Variants in SLC25A42 observed in about 807,000 individuals in gnomAD.
SLC25A42 encodes the protein solute carrier family 25 member 42, also known as mitochondrial coenzyme A transporter SLC25A42.
In SLC25A42, 19 loss-of-function variants were observed where a neutral mutation model predicts 34.7. The observed-to-expected ratio is 0.55, with a 90% CI of 0.38 to 0.80. The LOEUF is 0.80. Ranked by LOEUF, SLC25A42 falls within the 30% of genes least tolerant of loss-of-function variation. The pLI is 0.00. For missense variants in SLC25A42, 364 were observed against 441.3 expected, an observed-to-expected ratio of 0.82 and a Z score of 1.57; for synonymous variants, 205 against 191.2, an observed-to-expected ratio of 1.07 and a Z score of -0.59.
At chr19:19,085,864 C>T (rs1051748323) in intron 1 of SLC25A42, among the ~76,000 whole-genome samples, 1 of 152,108 alleles carries the variant, frequency 6.6e-6, no homozygotes, top group African/African-American at 2.4e-5. Flanking sequence ...GGGAGGGGGC[C>T]AGCCAGGGTC....
intron 4 of SLC25A42, 24 bp downstream of exon 4, chr19:19,104,962 G>A (rs745429967): frequency 8.7e-6 from 14 of 1,613,928 alleles, no homozygotes; most frequent in Admixed American, 5.0e-5. Flanking sequence ...TCACCGCCCC[G>A]GCCTGGGGAC....
chr19:19,082,490 G>A (rs2059686408), intron 1 of SLC25A42, among the ~76,000 whole-genome samples: 1 of 151,680 alleles, frequency 6.6e-6, no homozygotes, highest in African/African-American at 2.4e-5. Flanking sequence ...AGCCACCCAA[G>A]TAGCTGGGGC....
At chr19:19,075,100 C>T (rs1222423996) in intron 1 of SLC25A42, among the ~76,000 whole-genome samples, 1 of 152,050 alleles carries the variant, frequency 6.6e-6, no homozygotes, top group Admixed American at 6.6e-5. Context: ...CTGCAGTGAG[C>T]TATGATTTTA....
rs568742888 is a variant in SLC25A42 at position 19,081,904 on chromosome 19, T to G, written c.-34-14187T>G. 6.6e-6 allele frequency among the ~76,000 whole-genome samples: 1 copy of G among 152,338 alleles called. No individual in the cohort carries two copies. Among genetic ancestry groups the G allele is most frequent in the East Asian group, 1.9e-4 (1 of 5,184 alleles). On this transcript the variant is annotated intron_variant, in intron 1 of 7. Transcript: ENST00000318596. The surrounding 1 kb of genome is among the most constrained non-coding windows in gnomAD (Gnocchi z 4.5). ...GCTGGAATGTGGCTCTGCCATGCCT[T>G]GGACACTGCCCCTCAGGGAGGCCGA...
In SLC25A42 at chr19:19,111,023, C is replaced by T; in HGVS notation, c.*147C>T. Reference sequence around the variant, plus strand: ...AGCAGGTGGGCCTGAGGGGCCTGGGCTCAGAGTCCACGTCCAAACGCAAAG... The same window carrying T: ...AGCAGGTGGGCCTGAGGGGCCTGGGTTCAGAGTCCACGTCCAAACGCAAAG... On this transcript the variant is annotated 3_prime_UTR_variant, in exon 8 of 8. Coordinates refer to ENST00000318596, the MANE Select transcript of SLC25A42 (RefSeq NM_178526.5). 2 of 886,292 alleles carry T rather than the reference C, an allele frequency of 2.3e-6. No homozygotes were observed. The highest frequency in any genetic ancestry group is 3.4e-6 in the Non-Finnish European group (2 of 589,034). 54.9% of individuals were successfully genotyped at this position (886,292 alleles called of 1,614,324 possible).
intron 5 of SLC25A42, 174 bp downstream of exon 5, chr19:19,105,901 G>A (rs2059824630): frequency 1.6e-6 from 1 of 617,688 alleles, no homozygotes; most frequent in South Asian, 2.0e-5. Flanking sequence ...GGGACCCCCT[G>A]ACTCTGTCAC....
chr19:19,088,219 T>G (rs946950813), intron 1 of SLC25A42, among the ~76,000 whole-genome samples: 1 of 151,170 alleles, frequency 6.6e-6, no homozygotes, highest in Non-Finnish European at 1.5e-5. Context: ...TTTTTTTTTT[T>G]TTTTGAGACA....
rs902467405 is a variant in SLC25A42 at position 19,099,084 on chromosome 19, G to A, written c.82-2697G>A. Among the ~76,000 whole-genome samples, 21 of 152,318 alleles carry A rather than the reference G, an allele frequency of 1.4e-4. No individual in the cohort carries two copies. In the East Asian group the frequency reaches 2.5e-3, roughly 18 times the overall value. Reference sequence around the variant, plus strand: ...GAGCAGCTGGTCCGACTGATTCAGAGAAGAAACTGGCCTGAAGCTGGTAAG... The same window carrying A: ...GAGCAGCTGGTCCGACTGATTCAGAAAAGAAACTGGCCTGAAGCTGGTAAG... On this transcript the variant is annotated intron_variant, in intron 2 of 7. Transcript: ENST00000318596.
chr19:19,103,194 A>G (rs2059807609), intron 3 of SLC25A42, among the ~76,000 whole-genome samples: 1 of 152,048 alleles, frequency 6.6e-6, no homozygotes, highest in Non-Finnish European at 1.5e-5. Context: ...CCCCAGTTCA[A>G]GCAATTTTCC....
At position 19,081,574 on chromosome 19, in the gene SLC25A42, A is replaced by C. The variant is rs1401850162; in HGVS notation, c.-34-14517A>C. ...TGTCCCTTATAGTGACAAAGAGGAG[A>C]ATGCCACTGAGGGTGGGGGTCATGG... On this transcript the variant is annotated intron_variant, in intron 1 of 7. Coordinates refer to ENST00000318596, the MANE Select transcript of SLC25A42 (RefSeq NM_178526.5). This position sits in a 1 kb window ranked among gnomAD's most constrained non-coding sequence, Gnocchi z 4.5. Among the ~76,000 whole-genome samples, 1 of 151,956 alleles carries C rather than the reference A, an allele frequency of 6.6e-6. No homozygotes were observed. Among genetic ancestry groups the C allele is most frequent in the Non-Finnish European group, 1.5e-5 (1 of 67,972 alleles).
intron 1 of SLC25A42, among the ~76,000 whole-genome samples, chr19:19,092,675 G>C (rs958224592): frequency 6.6e-6 from 1 of 152,192 alleles, no homozygotes; most frequent in Non-Finnish European, 1.5e-5. Flanking sequence ...CCCAGGCCTC[G>C]GGCACCTCAC....
intron 7 of SLC25A42, 38 bp downstream of exon 7, chr19:19,108,083 G>C: frequency 6.6e-7 from 1 of 1,525,582 alleles, no homozygotes; most frequent in South Asian, 1.3e-5. Flanking sequence ...GGACGTTCAG[G>C]AAGCATTCCC....
chr19:19,101,214 T>G lies in SLC25A42; in HGVS notation c.82-567T>G, dbSNP rs547958871. On this transcript the variant is annotated intron_variant, in intron 2 of 7. Coordinates refer to ENST00000318596, the MANE Select transcript of SLC25A42 (RefSeq NM_178526.5). Reference sequence around the variant, plus strand: ...GAAAGCGATGGCTCTCAGGCTGGCATGGGAGCAGTCAACGCAGGTTGGCAG... The same window carrying G: ...GAAAGCGATGGCTCTCAGGCTGGCAGGGGAGCAGTCAACGCAGGTTGGCAG... 2.0e-4 allele frequency among the ~76,000 whole-genome samples: 31 copies of G among 152,224 alleles called. No individual in the cohort carries two copies. In the South Asian group the frequency reaches 6.5e-3, roughly 32 times the overall value.
chr19:19,067,401 G>A (rs1425542502), intron 1 of SLC25A42, among the ~76,000 whole-genome samples: 1 of 151,946 alleles, frequency 6.6e-6, no homozygotes, highest in East Asian at 1.9e-4. Context: ...GGGCAACATG[G>A]TGAAACCCTA....
rs116042822 is a variant in SLC25A42 at position 19,111,319 on chromosome 19, G to A, written c.*443G>A. 4.6e-3 allele frequency: 816 copies of A among 176,186 alleles called. 11 individuals are homozygous for A. Among genetic ancestry groups the A allele is most frequent in the African/African-American group, 0.018 (771 of 41,838 alleles). 10.9% of individuals were successfully genotyped at this position (176,186 alleles called of 1,614,324 possible). A position where few individuals can be genotyped will look rare whatever the true frequency, so the allele number is the denominator to read the frequency against. ...CCTGCCCGGCCTCCAGGGTGCGGGGGCGCCTTTCTTGCAGGCGGACCCTGC... is the reference window on the plus strand; with the variant it reads ...CCTGCCCGGCCTCCAGGGTGCGGGGACGCCTTTCTTGCAGGCGGACCCTGC... On this transcript the variant is annotated 3_prime_UTR_variant, in exon 8 of 8. Coordinates refer to ENST00000318596, the MANE Select transcript of SLC25A42 (RefSeq NM_178526.5).
chr19:19,096,254 T>TGGGGC, intron 2 of SLC25A42, 49 bp downstream of exon 2: 5 of 1,456,464 alleles, frequency 3.4e-6, no homozygotes, highest in Non-Finnish European at 3.8e-6. Flanking sequence ...GGCCCCAGCC[T>TGGGGC]CCCCACCCCC....
intron 1 of SLC25A42, among the ~76,000 whole-genome samples, chr19:19,076,628 A>C (rs983159980): frequency 6.6e-6 from 1 of 152,144 alleles, no homozygotes; most frequent in Non-Finnish European, 1.5e-5. Context: ...TTGGCCTGGG[A>C]GGGGGTGTGG....
chr19:19,068,608 C>T (rs1408379140), intron 1 of SLC25A42, among the ~76,000 whole-genome samples: 1 of 152,014 alleles, frequency 6.6e-6, no homozygotes, highest in African/African-American at 2.4e-5. Flanking sequence ...GCGGAGGTTG[C>T]AGCGAGCCAA....
intron 1 of SLC25A42, among the ~76,000 whole-genome samples, chr19:19,066,071 G>T (rs1178561026): frequency 1.3e-5 from 2 of 152,078 alleles, no homozygotes; most frequent in East Asian, 3.8e-4. Context: ...TGGCTAGGCT[G>T]GTCTCGCACT....
Sources: gnomAD v4.1 joint callset for allele counts (sites outside exome capture counted in the v4.1 genomes callset) on GRCh38, gnomAD v4.1.1 for gene constraint, Gnocchi (gnomAD v3.1) non-coding constraint, MANE v1.5 for transcripts, NCBI Gene and HGNC (gene_info 2026-07-23, HGNC 2026-07-21) for gene names.